The following MYO3B variants were observed in gnomAD, a reference collection of about 807,000 sequenced individuals.
MYO3B encodes the protein myosin IIIB, also known as myosin-IIIb.
MYO3B carries 156 observed loss-of-function variants against 174.6 expected under a neutral mutation model. That is an observed-to-expected ratio of 0.89 (90% CI 0.78 to 1.02). The LOEUF (loss-of-function observed/expected upper bound fraction) is 1.02. MYO3B is among the 50% of genes least tolerant of loss of function. The pLI is 0.00. For synonymous variants in MYO3B, 563 were observed against 569.1 expected (o/e 0.99, Z 0.15); for missense variants, 1,632 against 1,639.4 (o/e 1.00, Z 0.08).
At chr2:170,347,116 T>C (rs368987459) in intron 8 of MYO3B, among the ~76,000 whole-genome samples, 4 of 152,308 alleles carry the variant, frequency 2.6e-5, no homozygotes, top group East Asian at 3.9e-4. Flanking sequence ...ATAAAAGTAG[T>C]AGAATAAATT....
At chr2:170,384,180 A>G (rs1326924038) in intron 12 of MYO3B, among the ~76,000 whole-genome samples, 2 of 152,214 alleles carry the variant, frequency 1.3e-5, no homozygotes, top group African/African-American at 2.4e-5. Flanking sequence ...ATTCTTTCCT[A>G]TTAAGGTCTT....
intron 22 of MYO3B, among the ~76,000 whole-genome samples, chr2:170,439,012 A>G (rs554345037): frequency 6.6e-6 from 1 of 150,998 alleles, no homozygotes; most frequent in Non-Finnish European, 1.5e-5. Flanking sequence ...ATCTCTTCAT[A>G]TACCGGTTAG....
chr2:170,263,368 A>G lies in MYO3B; in HGVS notation c.749+27232A>G, dbSNP rs574444677. Among the ~76,000 whole-genome samples the G allele has an allele frequency of 1.3e-5, 2 of 152,244 alleles. 1 individual carries two copies. The highest frequency in any genetic ancestry group is 4.1e-4 in the South Asian group (2 of 4,822). On this transcript the variant is annotated intron_variant, in intron 7 of 34. Transcript: ENST00000408978. Reference sequence around the variant, plus strand: ...TTGTCAGGTGGGATGACAGACTGAGAAAAGAAAGAGACACAGAGGCAAAGT... The same window carrying G: ...TTGTCAGGTGGGATGACAGACTGAGGAAAGAAAGAGACACAGAGGCAAAGT...
intron 27 of MYO3B, among the ~76,000 whole-genome samples, chr2:170,500,486 T>C (rs151243289): frequency 1.2e-3 from 189 of 152,290 alleles, no homozygotes; most frequent in African/African-American, 4.3e-3. Flanking sequence ...CTTTAATAGA[T>C]AGGGAGAGTT....
At position 170,252,185 on chromosome 2, in the gene MYO3B, C is replaced by G. The variant is rs370535048; in HGVS notation, c.749+16049C>G. ...CTCCTGCTGGCTCCACCCTTCACCC[C>G]CTTCCTTTCCACAGTTCACATGTTA... On this transcript the variant is annotated intron_variant, in intron 7 of 34. Transcript: ENST00000408978. Among the ~76,000 whole-genome samples the G allele has an allele frequency of 1.3e-4, 20 of 152,310 alleles. 1 individual carries two copies. The highest frequency in any genetic ancestry group is 4.6e-4 in the African/African-American group (19 of 41,574).
chr2:170,633,274 A>C (rs957562534), intron 32 of MYO3B, among the ~76,000 whole-genome samples: 1 of 152,088 alleles, frequency 6.6e-6, no homozygotes, highest in African/African-American at 2.4e-5. Flanking sequence ...TTATCCACCA[A>C]AATCAATTTG....
chr2:170,416,755 C>A (rs1314498739), intron 22 of MYO3B, among the ~76,000 whole-genome samples: 1 of 150,160 alleles, frequency 6.7e-6, no homozygotes, highest in African/African-American at 2.4e-5. Flanking sequence ...AAGCCTTTTC[C>A]TGACTCTGCT....
At chr2:170,469,811 T>C (rs2883655) in intron 25 of MYO3B, among the ~76,000 whole-genome samples, 48,376 of 151,958 alleles carry the variant, frequency 0.32, 9,042 homozygotes, top group Admixed American at 0.45. Context: ...CTTTTGAAAG[T>C]ATACAATTCA....
intron 30 of MYO3B, among the ~76,000 whole-genome samples, chr2:170,528,662 T>TC (rs1392309926): frequency 6.6e-6 from 1 of 152,156 alleles, no homozygotes; most frequent in Non-Finnish European, 1.5e-5. Context: ...TGCCTCAGCT[T>TC]CCCAAAGTGC....
At chr2:170,610,075 G>A (rs1695041926) in intron 32 of MYO3B, among the ~76,000 whole-genome samples, 2 of 152,202 alleles carry the variant, frequency 1.3e-5, no homozygotes, top group Non-Finnish European at 1.5e-5. Flanking sequence ...AGTGGCTCAC[G>A]CCTGTAATCC....
At chr2:170,269,991 A>G (rs2093414369) in intron 7 of MYO3B, among the ~76,000 whole-genome samples, 1 of 152,230 alleles carries the variant, frequency 6.6e-6, no homozygotes, top group African/African-American at 2.4e-5. Flanking sequence ...TGTTGAGAAC[A>G]ACTGTTCCAA....
At chr2:170,252,335 A>G (rs57716258) in intron 7 of MYO3B, among the ~76,000 whole-genome samples, 3,956 of 152,328 alleles carry the variant, frequency 0.026, 165 homozygotes, top group African/African-American at 0.089. Context: ...TAAAAAGTCA[A>G]TGCACCTGGC....
intron 32 of MYO3B, among the ~76,000 whole-genome samples, chr2:170,561,830 T>C (rs1691728598): frequency 6.6e-6 from 1 of 152,202 alleles, no homozygotes; most frequent in South Asian, 2.1e-4. Flanking sequence ...TTAAAGTCTT[T>C]GGGCTAGAAG....
chr2:170,381,385 G>T (rs536130565), intron 9 of MYO3B, among the ~76,000 whole-genome samples: 1 of 152,068 alleles, frequency 6.6e-6, no homozygotes, highest in African/African-American at 2.4e-5. Context: ...TACAGAACCT[G>T]TATATTGCTC....
intron 3 of MYO3B, among the ~76,000 whole-genome samples, chr2:170,212,575 A>G (rs1439800014): frequency 2.6e-5 from 4 of 152,194 alleles, no homozygotes; most frequent in Admixed American, 6.5e-5. Context: ...TCACTTGACC[A>G]GGAAAGATTA....
chr2:170,559,009 C>T lies in MYO3B; in HGVS notation c.3733+15021C>T, dbSNP rs186432299. Among the ~76,000 whole-genome samples the T allele has an allele frequency of 1.1e-3, 160 of 152,328 alleles. 1 individual carries two copies. Among genetic ancestry groups the T allele is most frequent in the African/African-American group, 3.6e-3 (149 of 41,572 alleles). Reference sequence around the variant, plus strand: ...GCTGCATGGAGTTATTCTTGTTACTCATAGGAATATTTCATTTTTATTTGA... The same window carrying T: ...GCTGCATGGAGTTATTCTTGTTACTTATAGGAATATTTCATTTTTATTTGA... On this transcript the variant is annotated intron_variant, in intron 32 of 34. Transcript: ENST00000408978.
intron 1 of MYO3B, among the ~76,000 whole-genome samples, chr2:170,182,832 CT>C (rs1252569897): frequency 1.4e-4 from 21 of 152,118 alleles, no homozygotes; most frequent in African/African-American, 5.1e-4. Context: ...GCTGGTCAAA[CT>C]CCTGACCTCA....
intron 32 of MYO3B, among the ~76,000 whole-genome samples, chr2:170,646,560 AATTTTTTGT>A (rs1444777786): frequency 6.6e-6 from 1 of 151,646 alleles, no homozygotes; most frequent in Non-Finnish European, 1.5e-5. Context: ...ATGCCTGGCT[AATTTTTTGT>A]ATTTTTTGTA....
At chr2:170,372,561 T>C (rs1397750561) in intron 9 of MYO3B, among the ~76,000 whole-genome samples, 1 of 152,218 alleles carries the variant, frequency 6.6e-6, no homozygotes, top group Non-Finnish European at 1.5e-5. Context: ...TCAGGCCCTA[T>C]GCTGAACAGA....
Sources: allele counts gnomAD v4.1 joint callset (sites outside exome capture counted in the v4.1 genomes callset), GRCh38; gene constraint gnomAD v4.1.1; transcripts MANE v1.5; gene names NCBI Gene and HGNC (gene_info 2026-07-23, HGNC 2026-07-21).